ZNF267: variants seen among roughly 807,000 people sequenced by gnomAD.
ZNF267 encodes the protein zinc finger protein 267.
In ZNF267, 61 loss-of-function variants were observed where a neutral mutation model predicts 71.6. The ratio of observed to expected loss-of-function variants is 0.85; its 90% CI spans 0.69 to 1.05. The LOEUF is 1.05. Ranked by LOEUF, ZNF267 falls within the 50% of genes least tolerant of loss-of-function variation. The pLI, the probability that ZNF267 is intolerant of heterozygous loss-of-function variation, is 0.00. For missense variants in ZNF267, 852 were observed against 870.0 expected, an observed-to-expected ratio of 0.98 and a Z score of 0.26; for synonymous variants, 288 against 293.2, an observed-to-expected ratio of 0.98 and a Z score of 0.18.
At chr16:31,901,341 G>T (rs2084039570) in intron 3 of ZNF267, among the ~76,000 whole-genome samples, 1 of 152,122 alleles carries the variant, frequency 6.6e-6, no homozygotes, top group Non-Finnish European at 1.5e-5. Context: ...GGGTCAAATG[G>T]TATTTCTAGT....
Position 31,916,690 on chromosome 16 carries a change from C to G in ZNF267, c.*209C>G. 3.5e-6 allele frequency: 2 copies of G among 579,664 alleles called. No individual in the cohort carries two copies. Among genetic ancestry groups the G allele is most frequent in the Non-Finnish European group, 6.0e-6 (2 of 336,108 alleles). 35.9% of individuals were successfully genotyped at this position (579,664 alleles called of 1,614,324 possible). On this transcript the variant is annotated 3_prime_UTR_variant, in exon 4 of 4. Coordinates refer to ENST00000300870, the MANE Select transcript of ZNF267 (RefSeq NM_003414.6). Reference sequence around the variant, plus strand: ...CAAATTATTTTAAACTGTGCTCAACCCTTACTCAAGATAATCCATACTAGA... The same window carrying G: ...CAAATTATTTTAAACTGTGCTCAACGCTTACTCAAGATAATCCATACTAGA...
intron 1 of ZNF267, among the ~76,000 whole-genome samples, chr16:31,878,529 G>A (rs1488624599): frequency 1.3e-5 from 2 of 152,178 alleles, no homozygotes; most frequent in Non-Finnish European, 2.9e-5. Context: ...CTGGCTTGTT[G>A]TAATCCCAGA....
At position 31,916,689 on chromosome 16, in the gene ZNF267, C is replaced by T; in HGVS notation, c.*208C>T. The T allele has an allele frequency of 1.7e-6, 1 of 582,236 alleles. No homozygotes were observed. The highest frequency in any genetic ancestry group is 3.0e-6 in the Non-Finnish European group (1 of 337,652). The allele number at this position is 582,236 out of a possible 1,614,324, so 36.1% of individuals were successfully genotyped here. ...GCAAATTATTTTAAACTGTGCTCAA[C>T]CCTTACTCAAGATAATCCATACTAG... On this transcript the variant is annotated 3_prime_UTR_variant, in exon 4 of 4. Transcript: ENST00000300870.
chr16:31,887,378 A>G (rs532484591), intron 3 of ZNF267, among the ~76,000 whole-genome samples: 1 of 151,234 alleles, frequency 6.6e-6, no homozygotes, highest in African/African-American at 2.4e-5. Context: ...CTGTGCATAC[A>G]CTTTTTTGTT....
chr16:31,904,216 C>G lies in ZNF267; in HGVS notation c.227-10260C>G, dbSNP rs370472526. Among the ~76,000 whole-genome samples, 38 of 152,192 alleles carry G rather than the reference C, an allele frequency of 2.5e-4. No homozygotes were observed. The East Asian group carries it at 4.6e-3, about 19-fold the overall frequency. On this transcript the variant is annotated intron_variant, in intron 3 of 3. Coordinates refer to ENST00000300870, the MANE Select transcript of ZNF267 (RefSeq NM_003414.6). ...AGTGCTTTACTTCCAACTATGTGGT[C>G]AATTTTGGAATAGGTGTGGTGTGGT...
At position 31,915,990 on chromosome 16, in the gene ZNF267, T is replaced by C; in HGVS notation, c.1741T>C (p.Cys581Arg). Residue 581 changes from cysteine to arginine, a missense_variant, in exon 4 of 4, where the codon TGT becomes CGT. Coordinates refer to ENST00000300870, the MANE Select transcript of ZNF267 (RefSeq NM_003414.6). ...TGEKPYKCKACSKSFSDSSGL... is the reference protein window; with the variant it reads ...TGEKPYKCKARSKSFSDSSGL... ...AGAAAAACCATACAAATGTAAAGCA[T>C]GTAGCAAATCTTTTAGTGACTCCTC... 2 of 1,612,732 alleles carry C rather than the reference T, an allele frequency of 1.2e-6. No homozygotes were observed. Among genetic ancestry groups the C allele is most frequent in the Non-Finnish European group, 1.7e-6 (2 of 1,179,006 alleles).
At position 31,915,901 on chromosome 16, in the gene ZNF267, A is replaced by C; in HGVS notation, c.1652A>C (p.Lys551Thr). 1 of 1,613,904 alleles carries C rather than the reference A, an allele frequency of 6.2e-7. No individual in the cohort carries two copies. The highest frequency in any genetic ancestry group is 1.7e-5 in the Admixed American group (1 of 60,022). Residue 551 changes from lysine (K) to threonine (T), a missense_variant, in exon 4 of 4, where the codon AAA (lysine) becomes ACA (threonine). Lys to Thr is a moderately conservative substitution (Grantham distance 78). Coordinates refer to ENST00000300870, the MANE Select transcript of ZNF267 (RefSeq NM_003414.6). ...ACTGGAGAGAAACCCTATAAATGTA[A>C]AGAATGTGGCAAAGCCTTTCCTTAT... The part of the protein sequence containing the change: ...IHTGEKPYKC[K>T]ECGKAFPYSS...
chr16:31,886,119 C>T (rs2083922499), intron 3 of ZNF267, among the ~76,000 whole-genome samples: 4 of 152,108 alleles, frequency 2.6e-5, no homozygotes, highest in African/African-American at 9.6e-5. Context: ...ATGATTCTTT[C>T]CACAATATAA....
chr16:31,904,655 C>T (rs1254824171), intron 3 of ZNF267, among the ~76,000 whole-genome samples: 1 of 152,110 alleles, frequency 6.6e-6, no homozygotes, highest in Non-Finnish European at 1.5e-5. Flanking sequence ...TTCCTCCGTC[C>T]CTTTATTTTG....
In ZNF267 at chr16:31,916,407, G is replaced by C. The variant is rs2084178601; in HGVS notation, c.2158G>C (p.Glu720Gln). 6.2e-7 allele frequency: 1 copy of C among 1,614,146 alleles called. No homozygotes were observed. The highest frequency in any genetic ancestry group is 8.5e-7 in the Non-Finnish European group (1 of 1,180,014). ...TGGAGAGAGACCCTACAAATGTGAA[G>C]AATGTGGCAAAGCCTTTAACTCTAG... ...HSGERPYKCE[E>Q]CGKAFNSRSY... The change falls in exon 4 of 4, where the codon GAA becomes CAA. Residue 720 changes from glutamate (E) to glutamine (Q), a missense_variant. Coordinates refer to ENST00000300870, the MANE Select transcript of ZNF267 (RefSeq NM_003414.6).
chr16:31,875,238 C>T, intron 1 of ZNF267: 1 of 1,289,194 alleles, frequency 7.8e-7, no homozygotes, highest in Non-Finnish European at 1.0e-6. Flanking sequence ...CCACAGTGGC[C>T]ATGTCTCCTG....
rs760309154 is a variant in ZNF267, at chr16:31,914,650, T to C, written c.401T>C (p.Phe134Ser). ...AATGGATGTTATGATGAAAAGACTTTTAAATATGATCAATTTGATGAATCC... is the reference window on the plus strand; with the variant it reads ...AATGGATGTTATGATGAAAAGACTTCTAAATATGATCAATTTGATGAATCC... ...GHNGCYDEKT[F>S]KYDQFDESSV... The change falls in exon 4 of 4, where the codon TTT becomes TCT. Residue 134 changes from phenylalanine (F) to serine (S), a missense_variant. By Grantham distance (155) the Phe-to-Ser change is radical. Transcript: ENST00000300870. The C allele has an allele frequency of 3.1e-6, 5 of 1,614,024 alleles. No individual in the cohort carries two copies. The highest frequency in any genetic ancestry group is 1.1e-5 in the South Asian group (1 of 91,048).
At position 31,904,156 on chromosome 16, in the gene ZNF267, T is replaced by C. The variant is rs2084066919; in HGVS notation, c.227-10320T>C. On this transcript the variant is annotated intron_variant, in intron 3 of 3. Coordinates refer to ENST00000300870, the MANE Select transcript of ZNF267 (RefSeq NM_003414.6). The stretch of plus-strand genomic sequence containing the variant: ...ATTGCACTGTGGTGTGAGAGACAGT[T>C]TGTTATCATTTCTGTTCTTTTACAT... Among the ~76,000 whole-genome samples, 4 of 152,224 alleles carry C rather than the reference T, an allele frequency of 2.6e-5. No homozygotes were observed. In the South Asian group the frequency reaches 8.3e-4, roughly 31 times the overall value.
At chr16:31,884,349 T>G in intron 1 of ZNF267, 149 bp from the exon 2 acceptor site, 1 of 932,694 alleles carries the variant, frequency 1.1e-6, no homozygotes, top group Non-Finnish European at 1.6e-6. Context: ...TGAGACTACA[T>G]TAGAAAATAT....
Position 31,914,707 on chromosome 16 carries a change from T to C in ZNF267, c.458T>C (p.Leu153Pro), listed in dbSNP as rs2084160166. Residue 153 changes from leucine (L) to proline (P), a missense_variant, in exon 4 of 4, where the codon CTT becomes CCT. Leu to Pro is a moderately conservative substitution (Grantham distance 98). Transcript: ENST00000300870. ...GAAAGTTTGTTTCACCAGCAAATAC[T>C]TTCTTCTTGTGCCAAAAGCTATAAC... ...SVESLFHQQI[L>P]SSCAKSYNFD... 6.2e-7 allele frequency: 1 copy of C among 1,614,046 alleles called. No individual in the cohort carries two copies. Among genetic ancestry groups the C allele is most frequent in the Non-Finnish European group, 8.5e-7 (1 of 1,180,022 alleles).
chr16:31,898,198 G>A (rs2084013711), intron 3 of ZNF267, among the ~76,000 whole-genome samples: 3 of 152,104 alleles, frequency 2.0e-5, no homozygotes, highest in Non-Finnish European at 4.4e-5. Context: ...CTGGTCAGTG[G>A]ACACTATTAT....
At chr16:31,880,974 A>G (rs2083885769) in intron 1 of ZNF267, among the ~76,000 whole-genome samples, 1 of 152,158 alleles carries the variant, frequency 6.6e-6, no homozygotes, top group African/African-American at 2.4e-5. Flanking sequence ...TGTACAGGGA[A>G]CTTGGGCTTG....
In ZNF267 at chr16:31,915,391, A is replaced by G. The variant is rs1327983282; in HGVS notation, c.1142A>G (p.Lys381Arg). The G allele has an allele frequency of 6.2e-7, 1 of 1,613,538 alleles. No homozygotes were observed. Among genetic ancestry groups the G allele is most frequent in the Non-Finnish European group, 8.5e-7 (1 of 1,179,864 alleles). The change falls in exon 4 of 4, where the codon AAA (lysine) becomes AGA (arginine). Residue 381 changes from lysine to arginine, a missense_variant. Physicochemically the swap from Lys to Arg is conservative, Grantham distance 26. Coordinates refer to ENST00000300870, the MANE Select transcript of ZNF267 (RefSeq NM_003414.6). ...QQIDTGENLY[K>R]CKACSKSFTR... The stretch of plus-strand genomic sequence containing the variant: ...ATTGATACTGGAGAAAACCTTTACA[A>G]ATGTAAAGCATGTAGCAAATCTTTT...
intron 1 of ZNF267, chr16:31,875,265 T>A (rs537781133): frequency 7.8e-7 from 1 of 1,289,120 alleles, no homozygotes; most frequent in African/African-American, 1.5e-5. Flanking sequence ...TTAGTGACTG[T>A]CAGCCCCAGG....
Sources: allele counts gnomAD v4.1 joint callset (sites outside exome capture counted in the v4.1 genomes callset), GRCh38; gene constraint gnomAD v4.1.1; transcripts MANE v1.5; gene names NCBI Gene and HGNC (gene_info 2026-07-23, HGNC 2026-07-21).